PLPPR1: variants seen among roughly 807,000 people sequenced by gnomAD.
PLPPR1 encodes phospholipid phosphatase-related protein type 1.
PLPPR1 carries 10 observed loss-of-function variants against 33.1 expected under a neutral mutation model. The ratio of observed to expected loss-of-function variants is 0.30; its 90% CI spans 0.19 to 0.51. PLPPR1 has a LOEUF of 0.51. Among genes scored for constraint, PLPPR1 ranks in the 20% least tolerant of loss-of-function variants. PLPPR1 has a pLI of 0.97. For synonymous variants in PLPPR1, 151 were observed against 151.0 expected, an observed-to-expected ratio of 1.00 and a Z score of 0.00; for missense variants, 304 against 408.1, an observed-to-expected ratio of 0.74 and a Z score of 2.20.
chr9:101,141,940 A>T (rs765557574), intron 1 of PLPPR1, among the ~76,000 whole-genome samples: 1 of 152,036 alleles, frequency 6.6e-6, no homozygotes, highest in African/African-American at 2.4e-5. Flanking sequence ...AAAATGCATA[A>T]CCCTGCTAAT....
At chr9:101,140,326 T>G (rs1405045441) in intron 1 of PLPPR1, among the ~76,000 whole-genome samples, 6 of 152,192 alleles carry the variant, frequency 3.9e-5, no homozygotes, top group African/African-American at 1.4e-4. Context: ...AGCAAATGTT[T>G]GTAGAGGTCT....
At chr9:101,204,463 T>C (rs1249860700) in intron 2 of PLPPR1, among the ~76,000 whole-genome samples, 1 of 152,164 alleles carries the variant, frequency 6.6e-6, no homozygotes, top group Non-Finnish European at 1.5e-5. Context: ...GCTTTGCTGA[T>C]GTTTAGGTGA....
At chr9:101,180,599 T>C (rs970738352) in intron 1 of PLPPR1, among the ~76,000 whole-genome samples, 4 of 151,780 alleles carry the variant, frequency 2.6e-5, no homozygotes, top group African/African-American at 4.8e-5. Context: ...TTGTGGTCAA[T>C]TGATTTTCAA....
intron 4 of PLPPR1, among the ~76,000 whole-genome samples, chr9:101,301,895 AG>A: frequency 6.6e-6 from 1 of 152,326 alleles, no homozygotes; most frequent in Admixed American, 6.5e-5. Flanking sequence ...ACATTTCATG[AG>A]GGACATGTTA....
chr9:101,142,331 G>A (rs116487703), intron 1 of PLPPR1, among the ~76,000 whole-genome samples: 1 of 152,266 alleles, frequency 6.6e-6, no homozygotes, highest in African/African-American at 2.4e-5. Flanking sequence ...TGAGTAGATG[G>A]GTTAAAGACC....
intron 1 of PLPPR1, among the ~76,000 whole-genome samples, chr9:101,109,831 C>G (rs1174245911): frequency 6.6e-6 from 1 of 152,128 alleles, no homozygotes; most frequent in Non-Finnish European, 1.5e-5. Context: ...TCATAATCAA[C>G]TAGCCATATA....
rs367996936 is a variant in PLPPR1, at chr9:101,294,687, A to G, written c.385+8451A>G. Among the ~76,000 whole-genome samples, 45 of 152,320 alleles carry G rather than the reference A, an allele frequency of 3.0e-4. 3 individuals are homozygous for G. The highest frequency in any genetic ancestry group is 2.5e-3 in the East Asian group (13 of 5,186). Reference sequence around the variant, plus strand: ...AAATGTAATCTAGCATATAAACAGAACCAAAGACAAAAACCACATGATTAT... The same window carrying G: ...AAATGTAATCTAGCATATAAACAGAGCCAAAGACAAAAACCACATGATTAT... On this transcript the variant is annotated intron_variant, in intron 4 of 7. Transcript: ENST00000374874.
At chr9:101,291,185 G>C (rs1056366766) in intron 4 of PLPPR1, among the ~76,000 whole-genome samples, 5 of 152,218 alleles carry the variant, frequency 3.3e-5, no homozygotes, top group African/African-American at 1.2e-4. Flanking sequence ...CTCCCTGATT[G>C]CTAGCACAGC....
intron 2 of PLPPR1, among the ~76,000 whole-genome samples, chr9:101,238,187 C>CTATATA (rs1316697261): frequency 7.4e-6 from 1 of 134,248 alleles, no homozygotes; most frequent in Admixed American, 7.4e-5. Context: ...TATATATGCC[C>CTATATA]TATATATATA....
At chr9:101,203,199 G>A (rs1042132833) in intron 2 of PLPPR1, among the ~76,000 whole-genome samples, 1 of 152,124 alleles carries the variant, frequency 6.6e-6, no homozygotes, top group South Asian at 2.1e-4. Flanking sequence ...CACATTATTG[G>A]TATGTCTTCT....
intron 2 of PLPPR1, among the ~76,000 whole-genome samples, chr9:101,243,282 C>T (rs1291110183): frequency 2.0e-5 from 3 of 151,846 alleles, no homozygotes; most frequent in Non-Finnish European, 1.5e-5. Context: ...CATCAATTAA[C>T]TTTTTAGAAA....
chr9:101,058,083 C>T (rs1190526456), intron 1 of PLPPR1, among the ~76,000 whole-genome samples: 2 of 152,096 alleles, frequency 1.3e-5, no homozygotes, highest in Non-Finnish European at 2.9e-5. Flanking sequence ...GAGCCTTCTT[C>T]CTTGAACACA....
intron 1 of PLPPR1, among the ~76,000 whole-genome samples, chr9:101,099,932 A>G (rs986844363): frequency 1.4e-4 from 21 of 152,130 alleles, no homozygotes; most frequent in African/African-American, 5.1e-4. Context: ...TCCAATAATA[A>G]ATTGCTTCCC....
At chr9:101,058,588 G>A (rs1433281402) in intron 1 of PLPPR1, among the ~76,000 whole-genome samples, 1 of 152,096 alleles carries the variant, frequency 6.6e-6, no homozygotes, top group East Asian at 1.9e-4. Context: ...ACATCTTACT[G>A]TTAATTGTGA....
At chr9:101,285,431 A>G (rs1197454442) in intron 3 of PLPPR1, among the ~76,000 whole-genome samples, 2 of 152,190 alleles carry the variant, frequency 1.3e-5, no homozygotes, top group African/African-American at 2.4e-5. Flanking sequence ...GGAGAAATAT[A>G]TCTGAGGCAA....
At chr9:101,085,112 A>G (rs934547613) in intron 1 of PLPPR1, among the ~76,000 whole-genome samples, 2 of 152,184 alleles carry the variant, frequency 1.3e-5, no homozygotes, top group African/African-American at 4.8e-5. Flanking sequence ...ATGGATAGCC[A>G]TGATCTCCTG....
chr9:101,202,018 ACT>A (rs1328636267), intron 2 of PLPPR1, among the ~76,000 whole-genome samples: 2 of 152,236 alleles, frequency 1.3e-5, no homozygotes, highest in East Asian at 3.9e-4. Flanking sequence ...GATAGTTTTG[ACT>A]CTCTTCAAAC....
At chr9:101,286,069 T>C (rs764604423) in intron 3 of PLPPR1, 35 bp from the exon 4 acceptor site, 1 of 1,594,024 alleles carries the variant, frequency 6.3e-7, no homozygotes, top group Non-Finnish European at 8.6e-7. Context: ...CAAACAGATC[T>C]CCAACTTGAC....
rs549097263 is a variant in PLPPR1 at position 101,284,211 on chromosome 9, C to G, written c.253-1893C>G. ...GCCATATTCGTTGCAGCATTATTCC[C>G]AATAGCCAAGATATGGAATCTGCCT... On this transcript the variant is annotated intron_variant, in intron 3 of 7. Coordinates refer to ENST00000374874, the MANE Select transcript of PLPPR1 (RefSeq NM_207299.2). Among the ~76,000 whole-genome samples, 4 of 152,054 alleles carry G rather than the reference C, an allele frequency of 2.6e-5. No homozygotes were observed. In the South Asian group the frequency reaches 6.2e-4, roughly 24 times the overall value.
Sources: gnomAD v4.1 joint callset for allele counts (sites outside exome capture counted in the v4.1 genomes callset) on GRCh38, gnomAD v4.1.1 for gene constraint, MANE v1.5 for transcripts, NCBI Gene and HGNC (gene_info 2026-07-23, HGNC 2026-07-21) for gene names.